ASIC2: variants seen among roughly 807,000 people sequenced by gnomAD.
ASIC2 encodes acid sensing ion channel subunit 2.
Under a neutral mutation model 57.3 loss-of-function variants are expected in ASIC2, and 25 were observed. That is an observed-to-expected ratio of 0.44 (90% CI 0.32 to 0.61). The LOEUF is 0.61. Ranked by LOEUF, ASIC2 falls within the 20% of genes least tolerant of loss-of-function variation. The pLI is 0.06. For missense variants in ASIC2, 641 were observed against 738.1 expected (o/e 0.87, Z 1.52); for synonymous variants, 319 against 307.5 (o/e 1.04, Z -0.39).
intron 3 of ASIC2, among the ~76,000 whole-genome samples, chr17:33,088,596 C>G (rs1239116921): frequency 6.6e-6 from 1 of 151,918 alleles, no homozygotes; most frequent in African/African-American, 2.4e-5. Context: ...TTAACTTGTA[C>G]AAAAAGTCAA....
At chr17:33,673,658 G>T (rs1214130526) in intron 1 of ASIC2, among the ~76,000 whole-genome samples, 1 of 151,854 alleles carries the variant, frequency 6.6e-6, no homozygotes. Context: ...TGAGATCCTC[G>T]CCCAGTCCCC....
chr17:34,047,196 C>A (rs1908370052), intron 1 of ASIC2, among the ~76,000 whole-genome samples: 1 of 152,078 alleles, frequency 6.6e-6, no homozygotes, highest in African/African-American at 2.4e-5. Flanking sequence ...CCAGGGCTAC[C>A]CATTCACACA....
chr17:33,981,361 G>A (rs1414202441), intron 1 of ASIC2, among the ~76,000 whole-genome samples: 1 of 152,196 alleles, frequency 6.6e-6, no homozygotes, highest in Admixed American at 6.5e-5. Context: ...CTCTGAGCAG[G>A]AAGTTTTCAT....
intron 1 of ASIC2, among the ~76,000 whole-genome samples, chr17:33,924,261 T>C (rs1915775669): frequency 6.6e-6 from 1 of 152,184 alleles, no homozygotes. Context: ...CCTCCTGGGG[T>C]TCTCCCCAAC....
At chr17:33,460,184 C>T (rs535107390) in intron 1 of ASIC2, among the ~76,000 whole-genome samples, 5 of 152,246 alleles carry the variant, frequency 3.3e-5, no homozygotes, top group East Asian at 3.9e-4. Context: ...GGATTAGCTT[C>T]GGGTATTGAC....
chr17:33,305,735 A>G (rs1906145176), intron 1 of ASIC2, among the ~76,000 whole-genome samples: 1 of 152,250 alleles, frequency 6.6e-6, no homozygotes, highest in Non-Finnish European at 1.5e-5. Flanking sequence ...CTATTGCAGA[A>G]GGAATTTCAG....
chr17:33,196,306 G>A (rs1315357035), intron 1 of ASIC2, among the ~76,000 whole-genome samples: 3 of 145,928 alleles, frequency 2.1e-5, no homozygotes, highest in African/African-American at 5.5e-5. Context: ...TACACGAGAC[G>A]ATGATGATGA....
chr17:33,367,502 T>G (rs2141935998), intron 1 of ASIC2, among the ~76,000 whole-genome samples: 1 of 152,308 alleles, frequency 6.6e-6, no homozygotes, highest in East Asian at 1.9e-4. Context: ...CAGAGAAAGT[T>G]GCCAAGGGAG....
chr17:33,874,585 G>A (rs1472534840), intron 1 of ASIC2, among the ~76,000 whole-genome samples: 3 of 152,206 alleles, frequency 2.0e-5, no homozygotes, highest in African/African-American at 4.8e-5. Context: ...CTTGCCCCCA[G>A]ATCAGAAAGA....
At chr17:34,054,595 T>A (rs889058703) in intron 1 of ASIC2, among the ~76,000 whole-genome samples, 1 of 152,172 alleles carries the variant, frequency 6.6e-6, no homozygotes, top group Non-Finnish European at 1.5e-5. Flanking sequence ...CAGATGGTCT[T>A]CAAAACATGC....
intron 1 of ASIC2, among the ~76,000 whole-genome samples, chr17:33,864,223 T>G (rs573782813): frequency 1.3e-5 from 2 of 152,294 alleles, no homozygotes; most frequent in African/African-American, 4.8e-5. Flanking sequence ...CTTCTTTTTA[T>G]GGTGAATGAT....
intron 3 of ASIC2, among the ~76,000 whole-genome samples, chr17:33,067,023 G>A (rs553035734): frequency 5.3e-5 from 8 of 152,292 alleles, no homozygotes; most frequent in African/African-American, 1.9e-4. Context: ...TTACCAAGCA[G>A]GCCTGAAGGA....
chr17:33,866,639 C>T (rs1275343742), intron 1 of ASIC2, among the ~76,000 whole-genome samples: 1 of 152,122 alleles, frequency 6.6e-6, no homozygotes, highest in Non-Finnish European at 1.5e-5. Flanking sequence ...GTTTGACTCT[C>T]ATCTTTCTGG....
chr17:33,702,159 A>C (rs927305772), intron 1 of ASIC2, among the ~76,000 whole-genome samples: 1 of 152,204 alleles, frequency 6.6e-6, no homozygotes, highest in Non-Finnish European at 1.5e-5. Flanking sequence ...GCTTTGAAGC[A>C]TACTCGCTTT....
At chr17:33,104,919 A>G (rs1203139300) in intron 2 of ASIC2, among the ~76,000 whole-genome samples, 2 of 152,082 alleles carry the variant, frequency 1.3e-5, no homozygotes, top group Non-Finnish European at 2.9e-5. Flanking sequence ...GGATTCTAAT[A>G]CCTTGTTAGC....
chr17:33,064,289 T>C (rs943549824), intron 3 of ASIC2, among the ~76,000 whole-genome samples: 6 of 152,180 alleles, frequency 3.9e-5, no homozygotes, highest in Non-Finnish European at 7.4e-5. Context: ...ATCTTTGTGG[T>C]TTTATCTACC....
intron 3 of ASIC2, among the ~76,000 whole-genome samples, chr17:33,077,984 C>G (rs1052347858): frequency 6.6e-6 from 1 of 151,816 alleles, no homozygotes; most frequent in Non-Finnish European, 1.5e-5. Context: ...CCCTTTTTCC[C>G]CCTTTAAAAA....
intron 1 of ASIC2, among the ~76,000 whole-genome samples, chr17:33,250,253 G>A (rs1908833131): frequency 6.6e-6 from 1 of 152,208 alleles, no homozygotes; most frequent in African/African-American, 2.4e-5. Context: ...ATTTGAGTTA[G>A]TCCTGACATA....
chr17:33,647,201 G>C (rs934183904), intron 1 of ASIC2, among the ~76,000 whole-genome samples: 6 of 152,126 alleles, frequency 3.9e-5, no homozygotes, highest in African/African-American at 1.4e-4. Context: ...TTATCAATCT[G>C]TCAAATTGGA....
Sources: gnomAD v4.1 joint callset for allele counts (sites outside exome capture counted in the v4.1 genomes callset) on GRCh38, gnomAD v4.1.1 for gene constraint, MANE v1.5 for transcripts, NCBI Gene and HGNC (gene_info 2026-07-23, HGNC 2026-07-21) for gene names.